CTNNA3: variants seen among roughly 807,000 people sequenced by gnomAD.
CTNNA3 encodes catenin alpha-3.
A neutral mutation model predicts 95.7 loss-of-function variants in CTNNA3; 76 were observed. That is an observed-to-expected ratio of 0.79 (90% confidence interval 0.66 to 0.96). CTNNA3 has a LOEUF of 0.96. Among genes scored for constraint, CTNNA3 ranks in the 40% least tolerant of loss-of-function variants. The pLI is 0.00. For synonymous variants in CTNNA3, 431 were observed against 374.4 expected, an observed-to-expected ratio of 1.15 and a Z score of -1.74; for missense variants, 1,191 against 1,089.8, an observed-to-expected ratio of 1.09 and a Z score of -1.31.
rs1024798227 is a variant in CTNNA3 at position 66,935,086 on chromosome 10, T to C, written c.1048-159562A>G. On this transcript the variant is annotated intron_variant, in intron 7 of 17. Transcript: ENST00000433211. ...GCTCCTTGTCATTAATATTGATCTA[T>C]GTACTTTCTAAAAGAAAGAATATGC... Among the ~76,000 whole-genome samples the C allele has an allele frequency of 1.2e-4, 18 of 152,086 alleles. 1 individual carries two copies. The highest frequency in any genetic ancestry group is 4.1e-4 in the African/African-American group (17 of 41,440).
chr10:66,083,408 T>C (rs2080845928), intron 14 of CTNNA3, among the ~76,000 whole-genome samples: 1 of 152,118 alleles, frequency 6.6e-6, no homozygotes, highest in Non-Finnish European at 1.5e-5. Flanking sequence ...CCCACTTGAG[T>C]ATTTCTTCCT....
chr10:66,458,739 G>A (rs944193792), intron 11 of CTNNA3, among the ~76,000 whole-genome samples: 139 of 152,140 alleles, frequency 9.1e-4, no homozygotes, highest in African/African-American at 3.0e-3. Context: ...GTTTATTCAT[G>A]TTGAAGCAAT....
At chr10:66,046,973 T>C (rs2079841523) in intron 15 of CTNNA3, among the ~76,000 whole-genome samples, 1 of 151,748 alleles carries the variant, frequency 6.6e-6, no homozygotes, top group African/African-American at 2.4e-5. Flanking sequence ...GCTACAAAAT[T>C]AACTCGGTAA....
At chr10:65,964,734 AT>A (rs1439931570) in intron 17 of CTNNA3, among the ~76,000 whole-genome samples, 1 of 152,208 alleles carries the variant, frequency 6.6e-6, no homozygotes, top group Non-Finnish European at 1.5e-5. Context: ...ACAAAAGTAA[AT>A]GGAAGAGTTT....
At chr10:66,550,141 A>T (rs2132104938) in intron 10 of CTNNA3, among the ~76,000 whole-genome samples, 1 of 152,230 alleles carries the variant, frequency 6.6e-6, no homozygotes, top group Non-Finnish European at 1.5e-5. Flanking sequence ...ACCTTTATAA[A>T]TGTTATGTCT....
intron 7 of CTNNA3, among the ~76,000 whole-genome samples, chr10:66,776,149 T>A (rs1456619720): frequency 2.0e-5 from 3 of 152,216 alleles, no homozygotes; most frequent in Non-Finnish European, 4.4e-5. Context: ...TTAACCTAAA[T>A]CTTTAGGCTA....
intron 1 of CTNNA3, among the ~76,000 whole-genome samples, chr10:67,721,036 C>A (rs1227656501): frequency 1.3e-5 from 2 of 152,230 alleles, no homozygotes; most frequent in African/African-American, 4.8e-5. Flanking sequence ...GTCTGATGGG[C>A]TTCCCTTTGT....
chr10:66,419,080 T>C (rs2093170028), intron 11 of CTNNA3, among the ~76,000 whole-genome samples: 2 of 152,026 alleles, frequency 1.3e-5, no homozygotes, highest in Non-Finnish European at 1.5e-5. Context: ...GAAAGTCAAA[T>C]TGTCCCTCTT....
chr10:66,564,378 C>A (rs1297448707), intron 10 of CTNNA3, among the ~76,000 whole-genome samples: 1 of 152,132 alleles, frequency 6.6e-6, no homozygotes. Flanking sequence ...ATACAGGTTT[C>A]AGCAGGGCTA....
chr10:66,078,886 C>G (rs1216191746), intron 14 of CTNNA3: 1 of 151,818 alleles, frequency 6.6e-6, no homozygotes, highest in Non-Finnish European at 1.5e-5. Context: ...ACAAGAATGC[C>G]TTTAAGATGC....
chr10:67,192,978 T>C (rs1863186812), intron 6 of CTNNA3, among the ~76,000 whole-genome samples: 1 of 151,950 alleles, frequency 6.6e-6, no homozygotes, highest in Non-Finnish European at 1.5e-5. Context: ...CTGGAGGGCA[T>C]TTTGCTAAGT....
At chr10:66,583,464 G>T (rs1843260325) in intron 10 of CTNNA3, among the ~76,000 whole-genome samples, 1 of 151,684 alleles carries the variant, frequency 6.6e-6, no homozygotes, top group Non-Finnish European at 1.5e-5. Context: ...TCTAGTTTGT[G>T]TGCATAGAGC....
intron 1 of CTNNA3, among the ~76,000 whole-genome samples, chr10:67,702,716 A>G (rs1841051211): frequency 1.3e-5 from 2 of 152,348 alleles, no homozygotes; most frequent in Non-Finnish European, 2.9e-5. Context: ...AATTAAAAGA[A>G]CTAGAAAAGC....
chr10:67,356,955 A>G (rs2132659163), intron 5 of CTNNA3, among the ~76,000 whole-genome samples: 1 of 152,238 alleles, frequency 6.6e-6, no homozygotes, highest in East Asian at 1.9e-4. Context: ...ATGGGGCTTC[A>G]GTTCCTCCCA....
intron 7 of CTNNA3, among the ~76,000 whole-genome samples, chr10:66,809,891 G>A (rs1225735817): frequency 6.8e-6 from 1 of 147,774 alleles, no homozygotes; most frequent in Non-Finnish European, 1.5e-5. Context: ...TGCAACCTCC[G>A]CCTCCTGGGT....
chr10:66,682,192 T>C (rs1423937289), intron 9 of CTNNA3, among the ~76,000 whole-genome samples: 1 of 152,146 alleles, frequency 6.6e-6, no homozygotes. Context: ...CTTCGTGAAA[T>C]GTGTAAAATC....
At position 66,398,631 on chromosome 10, in the gene CTNNA3, A is replaced by G. The variant is rs1448980529; in HGVS notation, c.1532-19279T>C. On this transcript the variant is annotated intron_variant, in intron 11 of 17. Transcript: ENST00000433211. Reference sequence around the variant, plus strand: ...AAACACTGATAGAAATGAGAGGTACAGTATGGAAAAGATAGATAAAACATG... The same window carrying G: ...AAACACTGATAGAAATGAGAGGTACGGTATGGAAAAGATAGATAAAACATG... Among the ~76,000 whole-genome samples the G allele has an allele frequency of 9.9e-5, 15 of 152,034 alleles. No homozygotes were observed. In the East Asian group the frequency reaches 2.9e-3, roughly 29 times the overall value.
At chr10:66,325,795 A>T (rs972419204) in intron 12 of CTNNA3, among the ~76,000 whole-genome samples, 4 of 152,154 alleles carry the variant, frequency 2.6e-5, no homozygotes, top group African/African-American at 4.8e-5. Context: ...TGAAATAGTT[A>T]TGTGCTCATA....
At chr10:66,330,063 CA>C (rs1465932872) in intron 12 of CTNNA3, among the ~76,000 whole-genome samples, 2 of 151,850 alleles carry the variant, frequency 1.3e-5, no homozygotes, top group African/African-American at 2.4e-5. Context: ...AAGAAGTAAG[CA>C]CATATTTCTT....
Sources: allele counts gnomAD v4.1 joint callset (sites outside exome capture counted in the v4.1 genomes callset), GRCh38; gene constraint gnomAD v4.1.1; transcripts MANE v1.5; gene names NCBI Gene and HGNC (gene_info 2026-07-23, HGNC 2026-07-21).